RERG: variants seen among roughly 807,000 people sequenced by gnomAD.
RERG encodes the protein ras-related and estrogen-regulated growth inhibitor.
RERG carries 25 observed loss-of-function variants against 23.2 expected under a neutral mutation model. The ratio of observed to expected loss-of-function variants is 1.08; its 90% CI spans 0.79 to 1.50. The LOEUF is 1.50. RERG is among the 40% of genes most tolerant of loss of function. RERG has a pLI of 0.00. For missense variants in RERG, 253 were observed against 250.1 expected, an observed-to-expected ratio of 1.01 and a Z score of -0.08; for synonymous variants, 81 against 89.1, an observed-to-expected ratio of 0.91 and a Z score of 0.51.
intron 2 of RERG, among the ~76,000 whole-genome samples, chr12:15,207,931 G>C (rs1433776623): frequency 6.6e-6 from 1 of 152,078 alleles, no homozygotes; most frequent in East Asian, 1.9e-4. Context: ...AGAACTGTTG[G>C]GATAATTTAA....
intron 2 of RERG, among the ~76,000 whole-genome samples, chr12:15,175,228 T>C (rs980416290): frequency 3.3e-5 from 5 of 151,858 alleles, no homozygotes; most frequent in Non-Finnish European, 7.4e-5. Flanking sequence ...CTTCATAGTG[T>C]GTAACCACGG....
At chr12:15,213,497 G>A (rs965466442) in intron 2 of RERG, among the ~76,000 whole-genome samples, 3 of 152,118 alleles carry the variant, frequency 2.0e-5, no homozygotes, top group South Asian at 2.1e-4. Flanking sequence ...ACTTTGCAGC[G>A]TCCCCACAGA....
Position 15,126,128 on chromosome 12 carries a change from C to CATAT in RERG, c.62-5013_62-5010dup, listed in dbSNP as rs67901734. On this transcript the variant is annotated intron_variant, in intron 2 of 4. Transcript: ENST00000256953. ...ATTCCATGGAGAATGTTGTATATAC[C>CATAT]ATATATATATATATATATATATATG... Among the ~76,000 whole-genome samples the CATAT allele has an allele frequency of 3.2e-3, 286 of 89,076 alleles. 10 individuals carry two copies. Among genetic ancestry groups the CATAT allele is most frequent in the East Asian group, 8.8e-3 (27 of 3,076 alleles). 58.4% of individuals were successfully genotyped at this position (89,076 alleles called of 152,430 possible).
At chr12:15,220,246 A>G (rs947769403) in intron 1 of RERG, among the ~76,000 whole-genome samples, 20 of 152,202 alleles carry the variant, frequency 1.3e-4, no homozygotes, top group African/African-American at 4.8e-4. Context: ...GAAATTTGCC[A>G]TTCACTTTTT....
chr12:15,117,316 C>T (rs77019815), intron 3 of RERG, among the ~76,000 whole-genome samples: 6,048 of 152,112 alleles, frequency 0.04, 438 homozygotes, highest in African/African-American at 0.14. Flanking sequence ...TTCTTGGTAC[C>T]TGTTTCCTTA....
chr12:15,148,847 GTTTTTTTTTTTTTTTTTTTT>G (rs56033971), intron 2 of RERG, among the ~76,000 whole-genome samples: 29 of 45,562 alleles, frequency 6.4e-4, no homozygotes, highest in South Asian at 2.3e-3. Context: ...CTTTAACTCT[GTTTTTTTTTTTTTTTTTTTT>G]TTTTTTTTTT....
At chr12:15,197,695 G>T (rs1052472686) in intron 2 of RERG, among the ~76,000 whole-genome samples, 6 of 152,074 alleles carry the variant, frequency 3.9e-5, no homozygotes, top group Non-Finnish European at 7.4e-5. Context: ...CTCAAACCTA[G>T]ACAATAAAAT....
chr12:15,140,180 A>T (rs571534344), intron 2 of RERG, among the ~76,000 whole-genome samples: 2 of 152,288 alleles, frequency 1.3e-5, no homozygotes, highest in East Asian at 3.9e-4. Context: ...TTTCGGAGAC[A>T]ATAGATCATG....
intron 2 of RERG, among the ~76,000 whole-genome samples, chr12:15,123,660 T>G (rs1157914221): frequency 6.6e-6 from 1 of 150,394 alleles, no homozygotes; most frequent in African/African-American, 2.4e-5. Context: ...TATTACATTA[T>G]TAATACATTA....
intron 2 of RERG, among the ~76,000 whole-genome samples, chr12:15,132,703 A>G (rs1397180454): frequency 1.3e-5 from 2 of 152,144 alleles, no homozygotes; most frequent in African/African-American, 4.8e-5. Context: ...CAGCATTAGA[A>G]TATAGCTTTG....
In RERG at chr12:15,108,076, C is replaced by A. The variant is rs1391236877; in HGVS notation, c.*1034G>T. ...AGAGTCTGTTTTAGACACATTTATT[C>A]AGCTGTAATGAACTTTAATCACCCA... On this transcript the variant is annotated 3_prime_UTR_variant, in exon 5 of 5. Transcript: ENST00000256953. 6.6e-6 allele frequency: 1 copy of A among 152,542 alleles called. No homozygotes were observed. The highest frequency in any genetic ancestry group is 1.5e-5 in the Non-Finnish European group (1 of 67,994). The allele number at this position is 152,542 out of a possible 1,614,324, so 9.4% of individuals were successfully genotyped here.
At chr12:15,208,556 T>C (rs1865324097) in intron 2 of RERG, among the ~76,000 whole-genome samples, 1 of 152,156 alleles carries the variant, frequency 6.6e-6, no homozygotes, top group African/African-American at 2.4e-5. Flanking sequence ...AGAGGTATAA[T>C]GAACAGAAAC....
chr12:15,189,703 T>G (rs1865042291), intron 2 of RERG, among the ~76,000 whole-genome samples: 1 of 152,142 alleles, frequency 6.6e-6, no homozygotes. Flanking sequence ...AAACATTTGT[T>G]GAATAGATGG....
chr12:15,199,657 C>T (rs1443075910), intron 2 of RERG, among the ~76,000 whole-genome samples: 1 of 151,742 alleles, frequency 6.6e-6, no homozygotes, highest in Non-Finnish European at 1.5e-5. Flanking sequence ...TAGTTTTAGC[C>T]AACATACATA....
intron 2 of RERG, among the ~76,000 whole-genome samples, chr12:15,144,859 A>G (rs1864304140): frequency 6.6e-6 from 1 of 152,256 alleles, no homozygotes; most frequent in South Asian, 2.1e-4. Flanking sequence ...TTAGTAGTGT[A>G]CCAAATATGG....
At chr12:15,195,345 C>T (rs1260076333) in intron 2 of RERG, among the ~76,000 whole-genome samples, 4 of 152,116 alleles carry the variant, frequency 2.6e-5, no homozygotes, top group African/African-American at 9.7e-5. Context: ...ACAAGTGGCA[C>T]TGCTCAGAAT....
chr12:15,136,314 T>C (rs36101934), intron 2 of RERG, among the ~76,000 whole-genome samples: 1 of 152,088 alleles, frequency 6.6e-6, no homozygotes, highest in Non-Finnish European at 1.5e-5. Context: ...TAAAGGCTTG[T>C]CAATTTTATT....
intron 2 of RERG, chr12:15,138,033 T>C: frequency 6.5e-6 from 2 of 307,968 alleles, no homozygotes; most frequent in South Asian, 5.9e-5. Context: ...TTTCAGGGTA[T>C]AGAATTCTAG....
At chr12:15,132,767 T>C (rs1181781608) in intron 2 of RERG, among the ~76,000 whole-genome samples, 1 of 152,172 alleles carries the variant, frequency 6.6e-6, no homozygotes, top group Admixed American at 6.5e-5. Flanking sequence ...TGGTGTCTTG[T>C]TGTTTTAACT....
Sources: gnomAD v4.1 joint callset for allele counts (sites outside exome capture counted in the v4.1 genomes callset) on GRCh38, gnomAD v4.1.1 for gene constraint, MANE v1.5 for transcripts, NCBI Gene and HGNC (gene_info 2026-07-23, HGNC 2026-07-21) for gene names.